Variants in ZNF35 observed in about 807,000 individuals in gnomAD.
ZNF35 encodes zinc finger protein 35 (clone HF.10).
ZNF35 carries 31 observed loss-of-function variants against 45.9 expected under a neutral mutation model. The ratio of observed to expected loss-of-function variants is 0.68; its 90% CI spans 0.51 to 0.91. The LOEUF (loss-of-function observed/expected upper bound fraction) is 0.91. Among genes scored for constraint, ZNF35 ranks in the 40% least tolerant of loss-of-function variants. ZNF35 has a pLI of 0.00. For missense variants in ZNF35, 515 were observed against 625.4 expected (o/e 0.82, Z 1.88); for synonymous variants, 205 against 220.2 (o/e 0.93, Z 0.61).
At chr3:44,651,296 C>A in intron 2 of ZNF35, 37 bp downstream of exon 2, 1 of 1,593,222 alleles carries the variant, frequency 6.3e-7, no homozygotes, top group Non-Finnish European at 8.5e-7. Flanking sequence ...GGAGGAGATA[C>A]TTGAAGACCT....
chr3:44,657,477 A>G (rs1003422385), intron 3 of ZNF35, among the ~76,000 whole-genome samples: 35 of 152,336 alleles, frequency 2.3e-4, no homozygotes, highest in African/African-American at 8.4e-4. Flanking sequence ...ATGGGTGCAC[A>G]TTTCAAGGTT....
At chr3:44,654,342 G>T (rs1423696884) in intron 3 of ZNF35, among the ~76,000 whole-genome samples, 1 of 152,200 alleles carries the variant, frequency 6.6e-6, no homozygotes, top group Non-Finnish European at 1.5e-5. Context: ...AGATATCTGA[G>T]TGGGGTTGCT....
intron 2 of ZNF35, among the ~76,000 whole-genome samples, chr3:44,651,965 C>G (rs942806757): frequency 1.3e-5 from 2 of 152,058 alleles, no homozygotes; most frequent in Admixed American, 1.3e-4. Flanking sequence ...TAGGAATCAC[C>G]TAGGGGTTCT....
chr3:44,650,447 T>C (rs1224177971), intron 1 of ZNF35, among the ~76,000 whole-genome samples: 1 of 152,198 alleles, frequency 6.6e-6, no homozygotes, highest in African/African-American at 2.4e-5. Context: ...TCCTTGGCAA[T>C]AAAAAATCTT....
At position 44,660,062 on chromosome 3, in the gene ZNF35, G is replaced by A; in HGVS notation, c.*115G>A. On this transcript the variant is annotated 3_prime_UTR_variant, in exon 4 of 4. Coordinates refer to ENST00000396056, the MANE Select transcript of ZNF35 (RefSeq NM_003420.4). ...AAAAGTGAGGGCTGTGTCCTTAAAA[G>A]TTATAGTTTTCAGGAATGCAGCAGA... The A allele has an allele frequency of 8.7e-7, 1 of 1,148,766 alleles. No homozygotes were observed. Among genetic ancestry groups the A allele is most frequent in the Non-Finnish European group, 1.2e-6 (1 of 848,604 alleles). The allele number at this position is 1,148,766 out of a possible 1,614,324, so 71.2% of individuals were successfully genotyped here. A position where few individuals can be genotyped will look rare whatever the true frequency, so the allele number is the denominator to read the frequency against.
intron 3 of ZNF35, among the ~76,000 whole-genome samples, chr3:44,655,522 G>A (rs1322265531): frequency 1.3e-5 from 2 of 151,752 alleles, no homozygotes; most frequent in African/African-American, 4.8e-5. Context: ...CATTATTTCT[G>A]TACTTAATTT....
At chr3:44,650,680 A>G (rs1431850961) in intron 1 of ZNF35, among the ~76,000 whole-genome samples, 1 of 152,236 alleles carries the variant, frequency 6.6e-6, no homozygotes, top group African/African-American at 2.4e-5. Flanking sequence ...AAGTTTTTAC[A>G]ATAAAAGTAA....
In ZNF35 at chr3:44,650,961, C is replaced by A; in HGVS notation, c.-107C>A. 8.9e-7 allele frequency: 1 copy of A among 1,120,758 alleles called. No homozygotes were observed. Among genetic ancestry groups the A allele is most frequent in the Admixed American group, 2.8e-5 (1 of 35,596 alleles). 69.4% of individuals were successfully genotyped at this position (1,120,758 alleles called of 1,614,324 possible). A position where few individuals can be genotyped will look rare whatever the true frequency, so the allele number is the denominator to read the frequency against. On this transcript the variant is annotated 5_prime_UTR_variant, in exon 2 of 4. Coordinates refer to ENST00000396056, the MANE Select transcript of ZNF35 (RefSeq NM_003420.4). ...CTCAGTAGGCAGTACTCATCTTGGC[C>A]CTGGGAAGAAACTCAAGAAGAAGCT...
rs753272048 is a variant in ZNF35 at position 44,658,987 on chromosome 3, C to T, written c.624C>T (p.Gly208=). ...KSGGKYSLNS[G]AVKNPKTQLG... is the part of the protein sequence containing the mutation. ...GAGGAAAATATAGCCTTAATTCTGG[C>T]GCTGTTAAAAATCCAAAAACCCAGC... Residue 208 remains glycine (G), a synonymous_variant, in exon 4 of 4, where the codon GGC becomes GGT. Transcript: ENST00000396056. The T allele has an allele frequency of 9.3e-6, 15 of 1,614,204 alleles. No homozygotes were observed. The highest frequency in any genetic ancestry group is 4.0e-5 in the African/African-American group (3 of 75,038).
chr3:44,647,342 A>G (rs1284465888), upstream of ZNF35: 1 of 152,068 alleles, frequency 6.6e-6, no homozygotes, highest in Admixed American at 6.6e-5. Flanking sequence ...ACAGGATCTC[A>G]TACATTGCTG....
At chr3:44,650,615 G>A (rs1406592461) in intron 1 of ZNF35, among the ~76,000 whole-genome samples, 1 of 152,066 alleles carries the variant, frequency 6.6e-6, no homozygotes, top group Admixed American at 6.6e-5. Context: ...AATGTATAGT[G>A]GTTATCTCTT....
At chr3:44,651,409 T>G in intron 2 of ZNF35, 150 bp downstream of exon 2, 2 of 768,512 alleles carry the variant, frequency 2.6e-6, no homozygotes, top group East Asian at 5.5e-5. Context: ...GATAGAAACA[T>G]TCCCTTCTGA....
At position 44,659,964 on chromosome 3, in the gene ZNF35, A is replaced by G; in HGVS notation, c.*17A>G. On this transcript the variant is annotated 3_prime_UTR_variant, in exon 4 of 4. Coordinates refer to ENST00000396056, the MANE Select transcript of ZNF35 (RefSeq NM_003420.4). This position sits in a 1 kb window ranked among gnomAD's most constrained non-coding sequence, Gnocchi z 4.3. ...GTTGAATAACAAGTAAGGAAGAGGA[A>G]GACCTCCAGCATTGGTCATAACCTT... The G allele has an allele frequency of 6.5e-7, 1 of 1,527,764 alleles. No individual in the cohort carries two copies. Among genetic ancestry groups the G allele is most frequent in the South Asian group, 1.3e-5 (1 of 75,896 alleles). The allele number at this position is 1,527,764 out of a possible 1,614,324, so 94.6% of individuals were successfully genotyped here.
At chr3:44,653,100 A>T (rs1274442206) in intron 3 of ZNF35, among the ~76,000 whole-genome samples, 1 of 152,126 alleles carries the variant, frequency 6.6e-6, no homozygotes, top group African/African-American at 2.4e-5. Flanking sequence ...TGGACAGGAG[A>T]GCTGCAACTG....
In ZNF35 at chr3:44,659,094, A is replaced by G; in HGVS notation, c.731A>G (p.His244Arg). Residue 244 changes from histidine (H) to arginine (R), a missense_variant, in exon 4 of 4, where the codon CAC becomes CGC. Physicochemically the swap from His to Arg is conservative, Grantham distance 29. Coordinates refer to ENST00000396056, the MANE Select transcript of ZNF35 (RefSeq NM_003420.4). This position sits in a 1 kb window ranked among gnomAD's most constrained non-coding sequence, Gnocchi z 4.3. ...SANLVVHQRI[H>R]TGEKPFECHE... is the part of the protein sequence containing the mutation. ...AACCTCGTTGTGCATCAGCGAATCC[A>G]CACTGGAGAGAAACCCTTTGAATGT... 2 of 1,614,224 alleles carry G rather than the reference A, an allele frequency of 1.2e-6. No homozygotes were observed. The highest frequency in any genetic ancestry group is 1.7e-6 in the Non-Finnish European group (2 of 1,180,034).
At position 44,659,926 on chromosome 3, in the gene ZNF35, T is replaced by C; in HGVS notation, c.1563T>C (p.His521=). 1.3e-6 allele frequency: 2 copies of C among 1,556,676 alleles called. No homozygotes were observed. The highest frequency in any genetic ancestry group is 1.4e-5 in the African/African-American group (1 of 73,004). The part of the protein sequence containing the change: ...FISNSHLMRH[H]RTHLVE ...CCAACTCACACCTCATGCGACACCA[T>C]AGAACCCATCTTGTTGAATAACAAG... The change falls in exon 4 of 4, where the codon CAT becomes CAC. Residue 521 remains histidine, a synonymous_variant. Coordinates refer to ENST00000396056, the MANE Select transcript of ZNF35 (RefSeq NM_003420.4). This position sits in a 1 kb window ranked among gnomAD's most constrained non-coding sequence, Gnocchi z 4.3.
chr3:44,655,105 G>C (rs1362204409), intron 3 of ZNF35, among the ~76,000 whole-genome samples: 1 of 152,120 alleles, frequency 6.6e-6, no homozygotes, highest in African/African-American at 2.4e-5. Context: ...CTGCACTCCA[G>C]CCTGGGCAAT....
rs767015294 is a variant in ZNF35, at chr3:44,651,129, A to G, written c.62A>G (p.Lys21Arg). The change falls in exon 2 of 4, where the codon AAG becomes AGG. Residue 21 changes from lysine to arginine, a missense_variant. Around this residue, in one of 3 missense-constraint regions of ZNF35, gnomAD observed 275 missense variants for 295.7 expected, o/e 0.93. Coordinates refer to ENST00000396056, the MANE Select transcript of ZNF35 (RefSeq NM_003420.4). ...LAPWGPVKVK[K>R]EEEEEENFPG... is the part of the protein sequence containing the mutation. ...CCATGGGGCCCAGTGAAGGTGAAAA[A>G]GGAGGAGGAAGAAGAAGAAAACTTC... 1 of 1,610,862 alleles carries G rather than the reference A, an allele frequency of 6.2e-7. No homozygotes were observed. Among genetic ancestry groups the G allele is most frequent in the South Asian group, 1.1e-5 (1 of 90,934 alleles).
chr3:44,653,310 A>G (rs1343954634), intron 3 of ZNF35, among the ~76,000 whole-genome samples: 1 of 152,162 alleles, frequency 6.6e-6, no homozygotes, highest in Non-Finnish European at 1.5e-5. Flanking sequence ...TTGGAACTCC[A>G]AACTATATTC....
Sources: allele counts gnomAD v4.1 joint callset (sites outside exome capture counted in the v4.1 genomes callset), GRCh38; gene constraint gnomAD v4.1.1; regional missense constraint gnomAD v4.1.1; non-coding constraint Gnocchi (gnomAD v3.1); transcripts MANE v1.5; gene names NCBI Gene and HGNC (gene_info 2026-07-23, HGNC 2026-07-21).